LPIN1: variants seen among roughly 807,000 people sequenced by gnomAD.
LPIN1 encodes the protein lipin 1, also known as phosphatidate phosphatase LPIN1.
Under a neutral mutation model 107.5 loss-of-function variants are expected in LPIN1, and 71 were observed. That is an observed-to-expected ratio of 0.66 (90% CI 0.55 to 0.80). The LOEUF (loss-of-function observed/expected upper bound fraction) is 0.80, where lower values mean the gene tolerates loss of function less well. LPIN1 is among the 30% of genes least tolerant of loss of function. The pLI is 0.00. For missense variants in LPIN1, 1,043 were observed against 1,160.6 expected (o/e 0.90, Z 1.47); for synonymous variants, 445 against 452.6 (o/e 0.98, Z 0.21).
At position 11,783,857 on chromosome 2, in the gene LPIN1, C is replaced by T. The variant is rs200898383; in HGVS notation, c.1293C>T (p.Asp431=). 2.0e-4 allele frequency: 319 copies of T among 1,614,176 alleles called. No individual in the cohort carries two copies. The highest frequency in any genetic ancestry group is 2.4e-4 in the Non-Finnish European group (280 of 1,180,012). Residue 431 remains aspartate, a synonymous_variant, in exon 9 of 21, where the codon GAC becomes GAT. Coordinates refer to ENST00000674199, the MANE Select transcript of LPIN1 (RefSeq NM_001349206.2). ...AACGAAGCCGACATCTTGGTGCTGA[C>T]GGCGTCTACTTGGATGACCTCACAG... The part of the protein sequence containing the change: ...RDKRSRHLGA[D]GVYLDDLTDM...
intron 1 of LPIN1, among the ~76,000 whole-genome samples, chr2:11,726,250 T>C (rs6755975): frequency 0.2 from 30,593 of 152,092 alleles, 3,211 homozygotes; most frequent in Middle Eastern, 0.23. Context: ...TTAGAAGCTT[T>C]TAATGGCTCT....
intron 1 of LPIN1, among the ~76,000 whole-genome samples, chr2:11,698,729 G>A (rs1031252629): frequency 2.6e-5 from 4 of 152,216 alleles, no homozygotes; most frequent in African/African-American, 9.7e-5. Flanking sequence ...GGAATCTCTG[G>A]TATTTTGGAC....
rs1476096228 is a variant in LPIN1 at position 11,786,949 on chromosome 2, G to A, written c.1550-125G>A. ...CTTTACAAATACATTTTATAGGATTGTCTGCACAGTTGGAATGCACAAACT... is the reference window on the plus strand; with the variant it reads ...CTTTACAAATACATTTTATAGGATTATCTGCACAGTTGGAATGCACAAACT... On this transcript the variant is annotated intron_variant, in intron 10 of 20. Coordinates refer to ENST00000674199, the MANE Select transcript of LPIN1 (RefSeq NM_001349206.2). The surrounding 1 kb of genome is among the most constrained non-coding windows in gnomAD (Gnocchi z 4.1). The A allele has an allele frequency of 2.7e-6, 2 of 734,808 alleles. No individual in the cohort carries two copies. Among genetic ancestry groups the A allele is most frequent in the Admixed American group, 3.9e-5 (2 of 51,288 alleles). The allele number at this position is 734,808 out of a possible 1,614,324, so 45.5% of individuals were successfully genotyped here.
rs62113260 is a variant in LPIN1, at chr2:11,713,837, C to T, written c.138+25C>T. The T allele has an allele frequency of 0.094, 137,027 of 1,458,688 alleles. 7,393 individuals carry two copies. Among genetic ancestry groups the T allele is most frequent in the Non-Finnish European group, 0.11 (117,530 of 1,080,114 alleles). The allele number at this position is 1,458,688 out of a possible 1,614,324, so 90.4% of individuals were successfully genotyped here. ...CGTGAGTGCCGCTGTGATAGAATGT[C>T]GTTGTTATGCTTTTACATTTTAAGA... On this transcript the variant is annotated intron_variant, in intron 2 of 21. Transcript: ENST00000449576.
At chr2:11,677,612 G>C in exon 1 of LPIN1, 1 of 1,461,658 alleles carries the variant, frequency 6.8e-7, no homozygotes, top group Non-Finnish European at 9.3e-7. Flanking sequence ...TCCTGATGCT[G>C]GGTGAGGAGG....
At chr2:11,677,691 C>T in exon 1 of LPIN1, 5 of 1,535,734 alleles carry the variant, frequency 3.3e-6, no homozygotes, top group Admixed American at 3.9e-5. Flanking sequence ...TGGGAGACCT[C>T]GCAGGGCAAG....
At chr2:11,783,328 C>T (rs140121513) in intron 8 of LPIN1, among the ~76,000 whole-genome samples, 10 of 152,268 alleles carry the variant, frequency 6.6e-5, no homozygotes, top group Non-Finnish European at 1.0e-4. Flanking sequence ...GTAATAGCCT[C>T]AATGCGTTTA....
intron 1 of LPIN1, chr2:11,713,649 G>C: frequency 1.6e-6 from 1 of 638,686 alleles, no homozygotes; most frequent in South Asian, 2.0e-5. Context: ...TGTTCAAAAT[G>C]TAGAGTTCAG....
At chr2:11,824,540 T>G in intron 20 of LPIN1, 92 bp from the exon 21 acceptor site, 83 of 1,299,804 alleles carry the variant, frequency 6.4e-5, no homozygotes, top group Non-Finnish European at 8.6e-5. Flanking sequence ...GTCTGCTCCT[T>G]GAGGTTGTAG....
intron 1 of LPIN1, among the ~76,000 whole-genome samples, chr2:11,711,480 A>G (rs781525668): frequency 6.6e-6 from 1 of 152,194 alleles, no homozygotes; most frequent in Non-Finnish European, 1.5e-5. Flanking sequence ...TCTTAAAGGA[A>G]AATCTATCCT....
At chr2:11,760,120 T>C (rs1439986680) in intron 1 of LPIN1, among the ~76,000 whole-genome samples, 2 of 130,114 alleles carry the variant, frequency 1.5e-5, no homozygotes, top group Non-Finnish European at 3.2e-5. Flanking sequence ...TCTCAGACGA[T>C]GGGCGGCCGG....
chr2:11,800,984 G>A (rs968026546), intron 14 of LPIN1, among the ~76,000 whole-genome samples: 3 of 152,202 alleles, frequency 2.0e-5, no homozygotes, highest in Non-Finnish European at 4.4e-5. Context: ...GGCAGTAGCT[G>A]TTGAGTGTGA....
At chr2:11,741,440 T>C in intron 2 of LPIN1, 1 of 1,532,314 alleles carries the variant, frequency 6.5e-7, no homozygotes, top group Non-Finnish European at 8.8e-7. Flanking sequence ...TAAGCACTGC[T>C]GTTCAGTAGT....
Position 11,752,433 on chromosome 2 carries a change from A to ATTTTTTTTTTTTTTT in LPIN1, c.-10+5764_-10+5778dup, listed in dbSNP as rs34156190. Among the ~76,000 whole-genome samples, 79 of 103,844 alleles carry ATTTTTTTTTTTTTTT rather than the reference A, an allele frequency of 7.6e-4. 7 individuals are homozygous for ATTTTTTTTTTTTTTT. The highest frequency in any genetic ancestry group is 2.2e-3 in the African/African-American group (39 of 17,696). The allele number at this position is 103,844 out of a possible 152,430, so 68.1% of individuals were successfully genotyped here. ...TTTTCTTTTGAGCTGTTCCAAGGCC[A>ATTTTTTTTTTTTTTT]TTTTTTTTTTTTTTTTGAGACGGAG... On this transcript the variant is annotated intron_variant, in intron 1 of 20. Transcript: ENST00000674199.
intron 2 of LPIN1, chr2:11,713,900 C>A: frequency 1.1e-6 from 1 of 914,356 alleles, no homozygotes; most frequent in Non-Finnish European, 1.7e-6. Flanking sequence ...TGGTTTGTCG[C>A]CATGGCTATC....
chr2:11,782,214 A>G lies in LPIN1; in HGVS notation c.971A>G (p.His324Arg). The change falls in exon 8 of 21, where the codon CAC becomes CGC. Residue 324 changes from histidine (H) to arginine (R), a missense_variant. Coordinates refer to ENST00000674199, the MANE Select transcript of LPIN1 (RefSeq NM_001349206.2). ...TCTTTGCTCTAGTCTTCTTCTCCACACAAGATGAAAGAGTCCAGCCCATTG... is the reference window on the plus strand; with the variant it reads ...TCTTTGCTCTAGTCTTCTTCTCCACGCAAGATGAAAGAGTCCAGCCCATTG... ...LPQAAKSSSP[H>R]KMKESSPLSS... 2 of 1,613,840 alleles carry G rather than the reference A, an allele frequency of 1.2e-6. No individual in the cohort carries two copies. The highest frequency in any genetic ancestry group is 1.7e-6 in the Non-Finnish European group (2 of 1,179,774).
In LPIN1 at chr2:11,746,677, T is replaced by C. The variant is rs1162440794; in HGVS notation, c.-10+6T>C. ...GCCACGCGCGGCGCCGCTCGGTGAG[T>C]AGCCGCCGCCTCCAGCCTCCCGCTG... On this transcript the variant is annotated splice_donor_region_variant and intron_variant, in intron 1 of 20. Coordinates refer to ENST00000674199, the MANE Select transcript of LPIN1 (RefSeq NM_001349206.2). The C allele has an allele frequency of 4.1e-6, 4 of 983,876 alleles. No individual in the cohort carries two copies. Among genetic ancestry groups the C allele is most frequent in the African/African-American group, 1.8e-5 (1 of 57,092 alleles). 60.9% of individuals were successfully genotyped at this position (983,876 alleles called of 1,614,324 possible).
chr2:11,758,843 C>T (rs1031877676), intron 1 of LPIN1, among the ~76,000 whole-genome samples: 4 of 152,222 alleles, frequency 2.6e-5, no homozygotes, highest in Non-Finnish European at 4.4e-5. Flanking sequence ...GGGGGAGCTT[C>T]GCTAAGTCAC....
chr2:11,760,146 A>G (rs1234615845), intron 1 of LPIN1, among the ~76,000 whole-genome samples: 1 of 148,704 alleles, frequency 6.7e-6, no homozygotes, highest in East Asian at 2.0e-4. Context: ...GATGCTCCTC[A>G]CTTCCTAGAC....
Sources: gnomAD v4.1 joint callset for allele counts (sites outside exome capture counted in the v4.1 genomes callset) on GRCh38, gnomAD v4.1.1 for gene constraint, Gnocchi (gnomAD v3.1) non-coding constraint, MANE v1.5 for transcripts, NCBI Gene and HGNC (gene_info 2026-07-23, HGNC 2026-07-21) for gene names.